Variants in ZNF277 observed in about 807,000 individuals in gnomAD.
ZNF277 encodes the protein zinc finger protein 277, also known as nuclear receptor-interacting factor 4.
Under a neutral mutation model 60.7 loss-of-function variants are expected in ZNF277, and 55 were observed. The observed-to-expected ratio is 0.91, with a 90% confidence interval of 0.73 to 1.13. The LOEUF is 1.13. Ranked by LOEUF, ZNF277 falls within the 50% of genes most tolerant of loss-of-function variation. ZNF277 has a pLI of 0.00. For synonymous variants in ZNF277, 178 were observed against 179.3 expected (o/e 0.99, Z 0.06); for missense variants, 510 against 523.0 (o/e 0.98, Z 0.24).
chr7:112,252,296 C>CTT (rs1259218658), intron 1 of ZNF277, among the ~76,000 whole-genome samples: 1 of 152,096 alleles, frequency 6.6e-6, no homozygotes, highest in Non-Finnish European at 1.5e-5. Flanking sequence ...AAAAACAAGG[C>CTT]TGCTGAGTGG....
chr7:112,232,050 T>C (rs1163332003), intron 1 of ZNF277, among the ~76,000 whole-genome samples: 1 of 7,270 alleles, frequency 1.4e-4, no homozygotes, highest in Admixed American at 1.1e-3. Context: ...TACATATATA[T>C]ATATATATAT....
At chr7:112,216,392 C>T (rs1292448952) in intron 1 of ZNF277, among the ~76,000 whole-genome samples, 1 of 152,176 alleles carries the variant, frequency 6.6e-6, no homozygotes, top group African/African-American at 2.4e-5. Flanking sequence ...TCACTGCAAC[C>T]TCTGCTTCCT....
At chr7:112,295,818 C>T in intron 2 of ZNF277, 51 bp from the exon 3 acceptor site, 1 of 1,392,744 alleles carries the variant, frequency 7.2e-7, no homozygotes, top group Non-Finnish European at 1.0e-6. Context: ...CATTCTAAAG[C>T]AAATAGTATA....
intron 5 of ZNF277, among the ~76,000 whole-genome samples, chr7:112,319,778 A>T (rs1432248269): frequency 6.6e-6 from 1 of 151,430 alleles, no homozygotes; most frequent in Non-Finnish European, 1.5e-5. Context: ...TGATTCTCAG[A>T]TCAGTTAGCA....
At chr7:112,211,509 T>C (rs764550778) in intron 1 of ZNF277, among the ~76,000 whole-genome samples, 3 of 152,220 alleles carry the variant, frequency 2.0e-5, no homozygotes, top group Non-Finnish European at 2.9e-5. Context: ...TCTTGGCACA[T>C]TGTTAATGTT....
intron 1 of ZNF277, among the ~76,000 whole-genome samples, chr7:112,241,630 G>A (rs1790957104): frequency 6.6e-6 from 1 of 152,098 alleles, no homozygotes; most frequent in Non-Finnish European, 1.5e-5. Context: ...TGAATAGCTA[G>A]AGAAAGTGTG....
At chr7:112,269,123 AT>A (rs1791610588) in intron 1 of ZNF277, among the ~76,000 whole-genome samples, 1 of 152,146 alleles carries the variant, frequency 6.6e-6, no homozygotes, top group Non-Finnish European at 1.5e-5. Flanking sequence ...CATATGGACA[AT>A]GAATGACAAG....
intron 1 of ZNF277, among the ~76,000 whole-genome samples, chr7:112,274,049 A>ATG (rs970883694): frequency 1.3e-5 from 2 of 151,112 alleles, no homozygotes; most frequent in African/African-American, 4.8e-5. Context: ...TGAGATATAT[A>ATG]TATATATATA....
chr7:112,314,528 C>G (rs1792800392), intron 4 of ZNF277, among the ~76,000 whole-genome samples: 2 of 152,050 alleles, frequency 1.3e-5, no homozygotes, highest in African/African-American at 2.4e-5. Flanking sequence ...CGCAGAGGCT[C>G]CCACCTATAA....
At chr7:112,296,931 T>TTTTA (rs1792365474) in intron 4 of ZNF277, among the ~76,000 whole-genome samples, 1 of 84,052 alleles carries the variant, frequency 1.2e-5, no homozygotes, top group Non-Finnish European at 2.6e-5. Context: ...TTTTTTTTTT[T>TTTTA]TTTTTTTTTT....
intron 4 of ZNF277, 138 bp downstream of exon 4, chr7:112,296,449 G>T (rs1792334621): frequency 4.6e-6 from 2 of 431,548 alleles, no homozygotes; most frequent in Non-Finnish European, 4.0e-6. Context: ...AATACAAAAA[G>T]GTCTTAAAAC....
chr7:112,242,350 G>A (rs1023534078), intron 1 of ZNF277, among the ~76,000 whole-genome samples: 1 of 151,946 alleles, frequency 6.6e-6, no homozygotes, highest in Non-Finnish European at 1.5e-5. Flanking sequence ...AATGGAACAA[G>A]TATCCCCACT....
chr7:112,220,625 T>A (rs1384067208), intron 1 of ZNF277, among the ~76,000 whole-genome samples: 7 of 152,216 alleles, frequency 4.6e-5, no homozygotes, highest in Non-Finnish European at 7.3e-5. Context: ...TTTTCACTGC[T>A]GAGTATGTTA....
chr7:112,328,309 A>G (rs1793144961), intron 6 of ZNF277: 1 of 152,654 alleles, frequency 6.6e-6, no homozygotes, highest in Non-Finnish European at 1.5e-5. Context: ...TACTGTGTGT[A>G]TTCTTCTGCC....
intron 2 of ZNF277, chr7:112,288,019 T>C (rs1306916119): frequency 6.6e-6 from 1 of 152,228 alleles, no homozygotes; most frequent in Non-Finnish European, 1.5e-5. Flanking sequence ...TCTCATGTTT[T>C]AGGCCATAGA....
chr7:112,237,881 C>G (rs1477155666), intron 1 of ZNF277, among the ~76,000 whole-genome samples: 2 of 152,150 alleles, frequency 1.3e-5, no homozygotes, highest in Non-Finnish European at 2.9e-5. Flanking sequence ...AAAAAGAAAA[C>G]TATAGACCAA....
At position 112,298,776 on chromosome 7, in the gene ZNF277, A is replaced by G. The variant is rs147387563; in HGVS notation, c.465+2465A>G. ...TGAGGTGGCTATTAAATGCCGTTCT[A>G]TTTATGAGTAAAATGTGGCCTAGGA... On this transcript the variant is annotated intron_variant, in intron 4 of 11. Transcript: ENST00000361822. 1.8e-3 allele frequency among the ~76,000 whole-genome samples: 270 copies of G among 152,286 alleles called. 1 individual carries two copies. The highest frequency in any genetic ancestry group is 2.6e-3 in the Non-Finnish European group (179 of 68,012).
chr7:112,319,040 C>G (rs2117112769), intron 5 of ZNF277, among the ~76,000 whole-genome samples: 1 of 152,204 alleles, frequency 6.6e-6, no homozygotes, highest in African/African-American at 2.4e-5. Flanking sequence ...TCTGAATCCT[C>G]TTCCCAAGGA....
chr7:112,214,669 G>A (rs549703256), intron 1 of ZNF277, among the ~76,000 whole-genome samples: 2 of 152,306 alleles, frequency 1.3e-5, no homozygotes, highest in Non-Finnish European at 2.9e-5. Context: ...AGCTAAACAG[G>A]ATTTAAACCT....
Sources: allele counts gnomAD v4.1 joint callset (sites outside exome capture counted in the v4.1 genomes callset), GRCh38; gene constraint gnomAD v4.1.1; transcripts MANE v1.5; gene names NCBI Gene and HGNC (gene_info 2026-07-23, HGNC 2026-07-21).